MAB21L3: variants seen among roughly 807,000 people sequenced by gnomAD.
The protein encoded by MAB21L3 is mab-21 like 3.
MAB21L3 carries 36 observed loss-of-function variants against 37.7 expected under a neutral mutation model. That is an observed-to-expected ratio of 0.96 (90% CI 0.73 to 1.26). MAB21L3 has a LOEUF of 1.26. Ranked by LOEUF, MAB21L3 falls within the 50% of genes most tolerant of loss-of-function variation. The probability of loss-of-function intolerance (pLI) is 0.00; values close to 1 mark genes in which losing one functional copy is unlikely to be tolerated. For synonymous variants in MAB21L3, 186 were observed against 176.8 expected, an observed-to-expected ratio of 1.05 and a Z score of -0.41; for missense variants, 430 against 447.3, an observed-to-expected ratio of 0.96 and a Z score of 0.35.
At position 116,112,575 on chromosome 1, in the gene MAB21L3, A is replaced by AT. The variant is rs965280729; in HGVS notation, c.-41_-40insT. The AT allele has an allele frequency of 1.9e-6, 3 of 1,587,050 alleles. No individual in the cohort carries two copies. The African/African-American group carries it at 4.1e-5, about 22-fold the overall frequency. Reference sequence around the variant, plus strand: ...GCACTCCATTGAGAAAAAAAAAAAAACCAGGAAGTTGCTGTTCTACTGAGG... The same window carrying AT: ...GCACTCCATTGAGAAAAAAAAAAAAATCCAGGAAGTTGCTGTTCTACTGAGG... On this transcript the variant is annotated 5_prime_UTR_variant, in exon 3 of 8. Transcript: ENST00000369500.
rs1449855851 is a variant in MAB21L3, at chr1:116,112,670, A to G, written c.48+7A>G. 1 of 1,613,912 alleles carries G rather than the reference A, an allele frequency of 6.2e-7. No individual in the cohort carries two copies. Among genetic ancestry groups the G allele is most frequent in the East Asian group, 2.2e-5 (1 of 44,878 alleles). On this transcript the variant is annotated splice_region_variant and intron_variant, in intron 3 of 7. Coordinates refer to ENST00000369500, the MANE Select transcript of MAB21L3 (RefSeq NM_152367.3). ...AGATTGCCTACTGAATAAGGTAAGGACAGACCCGGTCTCTCCCATGAACCC... is the reference window on the plus strand; with the variant it reads ...AGATTGCCTACTGAATAAGGTAAGGGCAGACCCGGTCTCTCCCATGAACCC...
intron 7 of MAB21L3, among the ~76,000 whole-genome samples, chr1:116,131,278 T>C (rs1660059545): frequency 6.6e-6 from 1 of 152,166 alleles, no homozygotes; most frequent in African/African-American, 2.4e-5. Flanking sequence ...TTTGATCTGA[T>C]GGACAAAGAA....
At chr1:116,114,844 G>A (rs995614942) in intron 3 of MAB21L3, among the ~76,000 whole-genome samples, 1 of 152,200 alleles carries the variant, frequency 6.6e-6, no homozygotes. Flanking sequence ...AGTTGTGATG[G>A]GAAAGGTGTC....
At chr1:116,131,213 GCTT>G (rs1159767543) in intron 7 of MAB21L3, among the ~76,000 whole-genome samples, 1 of 152,194 alleles carries the variant, frequency 6.6e-6, no homozygotes, top group Admixed American at 6.5e-5. Flanking sequence ...TGTTGTCGCT[GCTT>G]CTTATGAGAA....
intron 3 of MAB21L3, among the ~76,000 whole-genome samples, chr1:116,118,552 G>C (rs1356090299): frequency 6.6e-6 from 1 of 152,052 alleles, no homozygotes; most frequent in Admixed American, 6.6e-5. Flanking sequence ...TGGACATTTG[G>C]GGGCCTTAAC....
chr1:116,120,512 G>T (rs1659716930), intron 3 of MAB21L3, among the ~76,000 whole-genome samples: 1 of 150,138 alleles, frequency 6.7e-6, no homozygotes, highest in South Asian at 2.1e-4. Flanking sequence ...TATAATATCA[G>T]ATATGACACT....
At chr1:116,114,509 T>A (rs1296380430) in intron 3 of MAB21L3, among the ~76,000 whole-genome samples, 1 of 152,250 alleles carries the variant, frequency 6.6e-6, no homozygotes, top group African/African-American at 2.4e-5. Context: ...GTTTCAGCCT[T>A]GTCTTCTTTA....
intron 3 of MAB21L3, 136 bp downstream of exon 3, chr1:116,112,799 T>C: frequency 1.2e-6 from 1 of 835,460 alleles, no homozygotes; most frequent in Non-Finnish European, 2.0e-6. Flanking sequence ...CTGTCACCTA[T>C]AACAATGTTT....
chr1:116,114,047 T>C (rs1187651635), intron 3 of MAB21L3, among the ~76,000 whole-genome samples: 1 of 152,162 alleles, frequency 6.6e-6, no homozygotes, highest in East Asian at 1.9e-4. Flanking sequence ...GAGTCCACTT[T>C]CTCAAGAAAG....
chr1:116,122,922 C>T (rs151047545), intron 4 of MAB21L3, among the ~76,000 whole-genome samples: 7 of 152,240 alleles, frequency 4.6e-5, no homozygotes, highest in African/African-American at 1.7e-4. Flanking sequence ...TTTTTAAATC[C>T]AGCTGCCTTT....
chr1:116,126,086 G>A (rs1557932350), intron 5 of MAB21L3, among the ~76,000 whole-genome samples: 1 of 152,202 alleles, frequency 6.6e-6, no homozygotes, highest in African/African-American at 2.4e-5. Flanking sequence ...CCTGGCCAGG[G>A]AATGTTTCCC....
intron 7 of MAB21L3, among the ~76,000 whole-genome samples, chr1:116,131,121 G>A (rs1327104944): frequency 6.6e-6 from 1 of 152,180 alleles, no homozygotes; most frequent in African/African-American, 2.4e-5. Context: ...AATAAAAATA[G>A]GCATCATTCA....
chr1:116,136,679 C>G lies in MAB21L3; in HGVS notation c.*3314C>G, dbSNP rs1326241996. ...CCTGCATTGCCAAGTCAATTCTAAG[C>G]CAAAAGAACAAAGCTGGAGGCATCA... On this transcript the variant is annotated 3_prime_UTR_variant, in exon 8 of 8. Transcript: ENST00000369500. Among the ~76,000 whole-genome samples, 2 of 152,130 alleles carry G rather than the reference C, an allele frequency of 1.3e-5. No individual in the cohort carries two copies. Among genetic ancestry groups the G allele is most frequent in the Non-Finnish European group, 2.9e-5 (2 of 68,026 alleles).
At chr1:116,113,764 C>T (rs566282587) in intron 3 of MAB21L3, among the ~76,000 whole-genome samples, 114 of 152,270 alleles carry the variant, frequency 7.5e-4, no homozygotes, top group African/African-American at 1.2e-3. Context: ...CAGAATATTT[C>T]GCAACTACAG....
In MAB21L3 at chr1:116,128,226, C is replaced by G; in HGVS notation, c.742C>G (p.Gln248Glu). The change falls in exon 7 of 8, where the codon CAG becomes GAG. Residue 248 changes from glutamine to glutamate, a missense_variant. Physicochemically the swap from Gln to Glu is conservative, Grantham distance 29 (BLOSUM62 2). Coordinates refer to ENST00000369500, the MANE Select transcript of MAB21L3 (RefSeq NM_152367.3). ...FLRAEQVLLE[Q>E]LDEDGGCRRK... ...CCGTGCTGAGCAGGTGTTACTGGAACAGCTGGATGAAGATGGGGGCTGCCG... is the reference window on the plus strand; with the variant it reads ...CCGTGCTGAGCAGGTGTTACTGGAAGAGCTGGATGAAGATGGGGGCTGCCG... 2 of 1,614,020 alleles carry G rather than the reference C, an allele frequency of 1.2e-6. No homozygotes were observed. Among genetic ancestry groups the G allele is most frequent in the African/African-American group, 1.3e-5 (1 of 75,006 alleles).
chr1:116,112,725 C>T (rs1402027320), intron 3 of MAB21L3, 62 bp downstream of exon 3: 3 of 1,554,628 alleles, frequency 1.9e-6, no homozygotes, highest in East Asian at 2.2e-5. Context: ...TCCAAACAAA[C>T]CTTCGTCCAG....
intron 3 of MAB21L3, among the ~76,000 whole-genome samples, chr1:116,115,649 G>T (rs949593164): frequency 6.6e-6 from 1 of 152,202 alleles, no homozygotes; most frequent in Non-Finnish European, 1.5e-5. Flanking sequence ...CCACCACTCT[G>T]TCTCCATTGC....
rs1659824855 is a variant in MAB21L3 at position 116,124,050 on chromosome 1, C to T, written c.190-16C>T. 2.5e-6 allele frequency: 4 copies of T among 1,577,252 alleles called. No individual in the cohort carries two copies. Among genetic ancestry groups the T allele is most frequent in the Non-Finnish European group, 3.4e-6 (4 of 1,160,750 alleles). On this transcript the variant is annotated splice_polypyrimidine_tract_variant and intron_variant, in intron 4 of 7. Coordinates refer to ENST00000369500, the MANE Select transcript of MAB21L3 (RefSeq NM_152367.3). ...CTGTGAATTCATGCTTGTTTTCAAT[C>T]CTTTCCTGACCCTAGGTTTTGGCTC...
At chr1:116,131,359 T>C (rs1245926709) in intron 7 of MAB21L3, among the ~76,000 whole-genome samples, 1 of 152,092 alleles carries the variant, frequency 6.6e-6, no homozygotes, top group Non-Finnish European at 1.5e-5. Context: ...GAGCATGAAA[T>C]GGCTGGTGTG....
Sources: allele counts gnomAD v4.1 joint callset (sites outside exome capture counted in the v4.1 genomes callset), GRCh38; gene constraint gnomAD v4.1.1; transcripts MANE v1.5; gene names NCBI Gene and HGNC (gene_info 2026-07-23, HGNC 2026-07-21).